The following DLG2 variants were observed in gnomAD, a reference collection of about 807,000 sequenced individuals.
The protein encoded by DLG2 is disks large homolog 2.
A neutral mutation model predicts 132.5 loss-of-function variants in DLG2; 45 were observed. The ratio of observed to expected loss-of-function variants is 0.34; its 90% CI spans 0.27 to 0.44. The LOEUF is 0.44. Ranked by LOEUF, DLG2 falls within the 20% of genes least tolerant of loss-of-function variation. DLG2 has a pLI of 1.00. For synonymous variants in DLG2, 424 were observed against 419.6 expected (o/e 1.01, Z -0.13); for missense variants, 1,045 against 1,196.9 (o/e 0.87, Z 1.87).
chr11:85,425,549 G>A (rs188559039), intron 3 of DLG2, among the ~76,000 whole-genome samples: 166 of 152,170 alleles, frequency 1.1e-3, no homozygotes, highest in African/African-American at 3.8e-3. Flanking sequence ...AATGTAACTT[G>A]TCAATTCATT....
chr11:84,347,134 G>T (rs1340132099), intron 7 of DLG2, among the ~76,000 whole-genome samples: 1 of 152,110 alleles, frequency 6.6e-6, no homozygotes, highest in Non-Finnish European at 1.5e-5. Context: ...AGTTTTGAAT[G>T]ATATGGAAAG....
chr11:84,767,675 C>T (rs1366942542), intron 6 of DLG2, among the ~76,000 whole-genome samples: 2 of 151,722 alleles, frequency 1.3e-5, no homozygotes, highest in African/African-American at 4.8e-5. Flanking sequence ...CATTGGAAAA[C>T]TTGTAGTGGA....
Position 84,249,457 on chromosome 11 carries a change from G to A in DLG2, c.573+1781C>T, listed in dbSNP as rs1300334976. Among the ~76,000 whole-genome samples, 4 of 152,194 alleles carry A rather than the reference G, an allele frequency of 2.6e-5. No individual in the cohort carries two copies. The East Asian group carries it at 7.7e-4, about 29-fold the overall frequency. ...ATAAGACTTCTAACTCTACAGCCAA[G>A]CTATCTGGATTGACTCTTGACTCTG... On this transcript the variant is annotated intron_variant, in intron 8 of 27. Transcript: ENST00000376104.
intron 15 of DLG2, among the ~76,000 whole-genome samples, chr11:83,887,759 G>T (rs2068363862): frequency 6.7e-6 from 1 of 149,808 alleles, no homozygotes; most frequent in African/African-American, 2.5e-5. Flanking sequence ...CCATGATCAA[G>T]TGGGCTTCAT....
At chr11:84,499,734 C>CTCTATATAT (rs1392817805) in intron 7 of DLG2, among the ~76,000 whole-genome samples, 1 of 152,084 alleles carries the variant, frequency 6.6e-6, no homozygotes, top group Non-Finnish European at 1.5e-5. Context: ...CTGTTTCTCT[C>CTCTATATAT]TCTATATATT....
intron 18 of DLG2, among the ~76,000 whole-genome samples, chr11:83,704,220 T>C (rs2083467252): frequency 6.6e-6 from 1 of 152,186 alleles, no homozygotes; most frequent in Non-Finnish European, 1.5e-5. Context: ...AAACTTTGCA[T>C]GAAAAATGTT....
Position 85,285,461 on chromosome 11 carries a change from G to C in DLG2, c.41-96C>G, listed in dbSNP as rs2078495866. The C allele has an allele frequency of 2.6e-5, 31 of 1,209,906 alleles. 1 individual carries two copies. The South Asian group carries it at 5.2e-4, about 20-fold the overall frequency. 74.9% of individuals were successfully genotyped at this position (1,209,906 alleles called of 1,614,324 possible). A position where few individuals can be genotyped will look rare whatever the true frequency, so the allele number is the denominator to read the frequency against. On this transcript the variant is annotated intron_variant, in intron 3 of 27. Transcript: ENST00000376104. ...CCATATATAGACATACAGAAATTTT[G>C]CTGATTAAAAGAACTGCATAAATAT... is the stretch of plus-strand genomic sequence containing the variant.
chr11:84,256,598 T>TGGTAAATA (rs1426819364), intron 7 of DLG2, among the ~76,000 whole-genome samples: 3 of 152,072 alleles, frequency 2.0e-5, no homozygotes, highest in Non-Finnish European at 4.4e-5. Context: ...TTTAAATAGG[T>TGGTAAATA]GGTAAAATAG....
chr11:85,362,645 C>A (rs1016147083), intron 3 of DLG2, among the ~76,000 whole-genome samples: 1 of 151,532 alleles, frequency 6.6e-6, no homozygotes, highest in African/African-American at 2.4e-5. Flanking sequence ...GCAAGGACTT[C>A]CACAGACTTT....
intron 11 of DLG2, among the ~76,000 whole-genome samples, chr11:84,052,436 T>C (rs1375997691): frequency 6.6e-6 from 1 of 151,886 alleles, no homozygotes; most frequent in Non-Finnish European, 1.5e-5. Flanking sequence ...CCCAAATTTT[T>C]TTAATCTGTC....
intron 11 of DLG2, among the ~76,000 whole-genome samples, chr11:84,001,265 C>G (rs1284992678): frequency 6.8e-6 from 1 of 146,066 alleles, no homozygotes; most frequent in Non-Finnish European, 1.5e-5. Context: ...TCCATAATAA[C>G]AGAAACCAAA....
At chr11:84,821,102 T>C (rs1354718252) in intron 6 of DLG2, among the ~76,000 whole-genome samples, 1 of 151,852 alleles carries the variant, frequency 6.6e-6, no homozygotes, top group Non-Finnish European at 1.5e-5. Context: ...ACCGTATAAA[T>C]TAGTATGTTT....
At chr11:83,514,742 G>A (rs936814402) in intron 21 of DLG2, among the ~76,000 whole-genome samples, 28 of 152,234 alleles carry the variant, frequency 1.8e-4, no homozygotes, top group African/African-American at 3.1e-4. Flanking sequence ...AGCATGAAGG[G>A]TTGTTGAATT....
At chr11:83,773,371 C>T (rs1234302997) in intron 18 of DLG2, among the ~76,000 whole-genome samples, 1 of 152,194 alleles carries the variant, frequency 6.6e-6, no homozygotes, top group Non-Finnish European at 1.5e-5. Context: ...AAGTCTTATA[C>T]TTGTGCTAGC....
chr11:85,415,479 G>T (rs551281490), intron 3 of DLG2, among the ~76,000 whole-genome samples: 14 of 152,316 alleles, frequency 9.2e-5, no homozygotes, highest in African/African-American at 2.9e-4. Context: ...CCCAACGACA[G>T]TGTAAAAGCA....
At chr11:83,532,666 G>A in intron 21 of DLG2, 42 bp downstream of exon 21, 1 of 1,564,480 alleles carries the variant, frequency 6.4e-7, no homozygotes, top group Non-Finnish European at 8.8e-7. Flanking sequence ...TTAAATCCAT[G>A]GCAACTGAGA....
intron 18 of DLG2, among the ~76,000 whole-genome samples, chr11:83,740,636 G>A (rs1237214967): frequency 6.6e-6 from 1 of 152,066 alleles, no homozygotes; most frequent in African/African-American, 2.4e-5. Context: ...CTGTCTATAT[G>A]CTATCAATAC....
intron 6 of DLG2, among the ~76,000 whole-genome samples, chr11:84,938,721 C>G (rs1367191292): frequency 6.6e-6 from 1 of 152,132 alleles, no homozygotes; most frequent in African/African-American, 2.4e-5. Context: ...CTACCTTCCC[C>G]AAAGCCAGCA....
At chr11:85,495,524 GA>G (rs1399488680) in intron 3 of DLG2, among the ~76,000 whole-genome samples, 1 of 152,012 alleles carries the variant, frequency 6.6e-6, no homozygotes, top group Non-Finnish European at 1.5e-5. Flanking sequence ...CAACAAACAT[GA>G]AAAAAAGCTC....
Sources: gnomAD v4.1 joint callset for allele counts (sites outside exome capture counted in the v4.1 genomes callset) on GRCh38, gnomAD v4.1.1 for gene constraint, MANE v1.5 for transcripts, NCBI Gene and HGNC (gene_info 2026-07-23, HGNC 2026-07-21) for gene names.